The following NPEPPS variants were observed in gnomAD, a reference collection of about 807,000 sequenced individuals.
NPEPPS encodes puromycin-sensitive aminopeptidase.
Under a neutral mutation model 115.5 loss-of-function variants are expected in NPEPPS, and 14 were observed. That is an observed-to-expected ratio of 0.12 (90% CI 0.08 to 0.19). NPEPPS has a LOEUF of 0.19. Among genes scored for constraint, NPEPPS ranks in the 10% least tolerant of loss-of-function variants. The pLI is 1.00. For missense variants in NPEPPS, 523 were observed against 1,110.8 expected (o/e 0.47, Z 7.52); for synonymous variants, 285 against 390.6 (o/e 0.73, Z 3.19).
intron 19 of NPEPPS, 23 bp downstream of exon 19, chr17:47,613,748 C>T (rs1914017766): frequency 6.3e-7 from 1 of 1,576,790 alleles, no homozygotes; most frequent in Non-Finnish European, 8.7e-7. Context: ...GAGAAGGCTC[C>T]CATTTCCTGC....
At chr17:47,566,745 T>G (rs1411341854) in intron 2 of NPEPPS, among the ~76,000 whole-genome samples, 1 of 151,914 alleles carries the variant, frequency 6.6e-6, no homozygotes, top group East Asian at 2.0e-4. Flanking sequence ...TTCTTAAGCA[T>G]TGAAGTGATT....
chr17:47,568,405 A>C (rs1208369324), intron 2 of NPEPPS, among the ~76,000 whole-genome samples: 2 of 152,078 alleles, frequency 1.3e-5, no homozygotes, highest in African/African-American at 4.8e-5. Flanking sequence ...TCTTGACCTC[A>C]GGTGATCCAC....
intron 22 of NPEPPS, chr17:47,620,138 C>T (rs568999516): frequency 3.2e-4 from 49 of 154,148 alleles, no homozygotes; most frequent in Admixed American, 1.7e-3. Context: ...TGCTTGAGCC[C>T]GGGAGGTGGA....
At position 47,619,770 on chromosome 17, in the gene NPEPPS, G is replaced by A; in HGVS notation, c.2593G>A (p.Ala865Thr). 6.2e-7 allele frequency: 1 copy of A among 1,613,344 alleles called. No individual in the cohort carries two copies. Among genetic ancestry groups the A allele is most frequent in the East Asian group, 2.2e-5 (1 of 44,858 alleles). Residue 865 changes from alanine (A) to threonine (T), a missense_variant, in exon 22 of 23, where the codon GCT becomes ACT. By Grantham distance (58) the Ala-to-Thr change is moderately conservative (BLOSUM62 0). Around this residue, in one of 4 missense-constraint regions of NPEPPS, gnomAD observed 372 missense variants for 542.6 expected, o/e 0.69. Transcript: ENST00000322157. ...SVEGFAVDKMAGEVKAFFESH... is the reference protein window; with the variant it reads ...SVEGFAVDKMTGEVKAFFESH... Reference sequence around the variant, plus strand: ...TGAGGGATTTGCAGTTGATAAAATGGCTGGAGAGGTTAAGGTAAGGAAAAT... The same window carrying A: ...TGAGGGATTTGCAGTTGATAAAATGACTGGAGAGGTTAAGGTAAGGAAAAT...
At chr17:47,538,426 C>G (rs1355247848) in intron 1 of NPEPPS, among the ~76,000 whole-genome samples, 7 of 150,772 alleles carry the variant, frequency 4.6e-5, no homozygotes, top group Admixed American at 6.6e-5. Context: ...GTTAGCTAGG[C>G]TGGTCTCAAA....
intron 9 of NPEPPS, among the ~76,000 whole-genome samples, chr17:47,588,369 C>T (rs1359366232): frequency 6.6e-6 from 1 of 151,962 alleles, no homozygotes; most frequent in Non-Finnish European, 1.5e-5. Flanking sequence ...TGAGACCACC[C>T]TGACCAATGT....
At chr17:47,588,944 TCTCA>T (rs1436609472) in intron 9 of NPEPPS, among the ~76,000 whole-genome samples, 2 of 152,082 alleles carry the variant, frequency 1.3e-5, no homozygotes, top group East Asian at 1.9e-4. Context: ...TAAGACAGAG[TCTCA>T]CTCTGTCACT....
At chr17:47,539,905 A>G (rs1908628823) in intron 1 of NPEPPS, among the ~76,000 whole-genome samples, 1 of 152,116 alleles carries the variant, frequency 6.6e-6, no homozygotes, top group South Asian at 2.1e-4. Flanking sequence ...TATTAGGCAA[A>G]TTGACTCAGG....
intron 1 of NPEPPS, among the ~76,000 whole-genome samples, chr17:47,541,597 G>A (rs569822853): frequency 2.0e-5 from 3 of 152,160 alleles, no homozygotes; most frequent in South Asian, 2.1e-4. Context: ...GGCTGGTCTC[G>A]AACCCCTGAC....
chr17:47,550,454 T>C (rs529449487), intron 2 of NPEPPS, among the ~76,000 whole-genome samples: 4 of 150,848 alleles, frequency 2.7e-5, no homozygotes, highest in African/African-American at 9.7e-5. Context: ...GAACTTGTTT[T>C]AAAATAATCC....
At chr17:47,558,786 G>A (rs1271523828) in intron 2 of NPEPPS, among the ~76,000 whole-genome samples, 1 of 152,026 alleles carries the variant, frequency 6.6e-6, no homozygotes, top group Non-Finnish European at 1.5e-5. Flanking sequence ...TGTAATCCCA[G>A]CACTTTGGGA....
At chr17:47,562,552 T>G (rs1248721424) in intron 2 of NPEPPS, among the ~76,000 whole-genome samples, 1 of 151,954 alleles carries the variant, frequency 6.6e-6, no homozygotes, top group Non-Finnish European at 1.5e-5. Flanking sequence ...GATTTACCTT[T>G]CATTGTAAGG....
chr17:47,534,135 A>G (rs1256873765), intron 1 of NPEPPS, among the ~76,000 whole-genome samples: 1 of 151,824 alleles, frequency 6.6e-6, no homozygotes, highest in African/African-American at 2.4e-5. Flanking sequence ...TCTGTCGCCC[A>G]GGCTGGAGTG....
chr17:47,548,943 G>T (rs1360906282), intron 2 of NPEPPS, among the ~76,000 whole-genome samples: 1 of 152,282 alleles, frequency 6.6e-6, no homozygotes, highest in African/African-American at 2.4e-5. Flanking sequence ...TCTCACGGAA[G>T]CCCAGTTAGT....
intron 21 of NPEPPS, 121 bp downstream of exon 21, chr17:47,619,285 G>A (rs1914392074): frequency 1.0e-6 from 1 of 996,088 alleles, no homozygotes; most frequent in Non-Finnish European, 1.5e-6. Flanking sequence ...CAGGTGCAGT[G>A]GCTCACGCCT....
intron 17 of NPEPPS, among the ~76,000 whole-genome samples, chr17:47,611,561 C>A (rs1436064274): frequency 1.3e-5 from 2 of 152,098 alleles, no homozygotes; most frequent in Non-Finnish European, 2.9e-5. Context: ...CAGCCTCAAG[C>A]TCCTGGGCTC....
intron 2 of NPEPPS, among the ~76,000 whole-genome samples, chr17:47,561,015 T>C (rs549439954): frequency 1.3e-5 from 2 of 152,352 alleles, no homozygotes; most frequent in Non-Finnish European, 1.5e-5. Context: ...ACTTCTGATA[T>C]TGAAATTTTA....
At chr17:47,620,816 C>A (rs144191305) in intron 22 of NPEPPS, among the ~76,000 whole-genome samples, 24 of 152,272 alleles carry the variant, frequency 1.6e-4, no homozygotes, top group African/African-American at 5.5e-4. Flanking sequence ...TCTGTGAAAC[C>A]AGGTGTACTG....
intron 22 of NPEPPS, among the ~76,000 whole-genome samples, chr17:47,620,727 G>A (rs1184854575): frequency 6.6e-6 from 1 of 152,198 alleles, no homozygotes. Context: ...TAGTCATTCT[G>A]TCTTTCACAC....
Sources: allele counts gnomAD v4.1 joint callset (sites outside exome capture counted in the v4.1 genomes callset), GRCh38; gene constraint gnomAD v4.1.1; regional missense constraint gnomAD v4.1.1; transcripts MANE v1.5; gene names NCBI Gene and HGNC (gene_info 2026-07-23, HGNC 2026-07-21).